Variants in DNAJC13 observed in about 807,000 individuals in gnomAD.
The protein encoded by DNAJC13 is dnaJ homolog subfamily C member 13.
A neutral mutation model predicts 290.5 loss-of-function variants in DNAJC13; 75 were observed. The ratio of observed to expected loss-of-function variants is 0.26; its 90% CI spans 0.21 to 0.31. The LOEUF (loss-of-function observed/expected upper bound fraction) is 0.31, where lower values mean the gene tolerates loss of function less well. Ranked by LOEUF, DNAJC13 falls within the 10% of genes least tolerant of loss-of-function variation. DNAJC13 has a pLI of 1.00. For synonymous variants in DNAJC13, 862 were observed against 892.0 expected, an observed-to-expected ratio of 0.97 and a Z score of 0.60; for missense variants, 2,260 against 2,674.5, an observed-to-expected ratio of 0.85 and a Z score of 3.42.
rs1428100673 is a variant in DNAJC13, at chr3:132,516,757, C to T, written c.5614C>T (p.Arg1872Ter). 2 of 1,613,540 alleles carry T rather than the reference C, an allele frequency of 1.2e-6. No homozygotes were observed. The highest frequency in any genetic ancestry group is 1.7e-6 in the Non-Finnish European group (2 of 1,179,654). The stretch of plus-strand genomic sequence containing the variant: ...CTGCAATTCAACACATCCACAGGTT[C>T]GAGCCCAAACAGCAGAACTTTTTGC... ...MFCNSTHPQVRAQTAELFAKM... is the reference protein window; with the variant it reads ...MFCNSTHPQV Residue 1872 changes from arginine to a stop codon, truncating the protein, a stop_gained, in exon 48 of 56, where the codon CGA (arginine) becomes TGA (stop). Coordinates refer to ENST00000260818, the MANE Select transcript of DNAJC13 (RefSeq NM_015268.4). LOFTEE classifies it high-confidence loss of function.
chr3:132,492,889 T>A (rs1576497460), intron 33 of DNAJC13, among the ~76,000 whole-genome samples: 1 of 151,820 alleles, frequency 6.6e-6, no homozygotes, highest in Non-Finnish European at 1.5e-5. Context: ...TAATTATATA[T>A]ATATAGTATT....
intron 29 of DNAJC13, among the ~76,000 whole-genome samples, 168 bp downstream of exon 29, chr3:132,484,840 G>A (rs922779177): frequency 3.9e-5 from 6 of 152,106 alleles, no homozygotes; most frequent in South Asian, 2.1e-4. Flanking sequence ...AGGCTGAGGC[G>A]GGAGGGTTGC....
intron 13 of DNAJC13, 114 bp downstream of exon 13, chr3:132,457,482 T>C: frequency 1.2e-6 from 1 of 834,282 alleles, no homozygotes; most frequent in East Asian, 2.7e-5. Flanking sequence ...GTTTCATAAA[T>C]TGTTCTCATA....
intron 27 of DNAJC13, among the ~76,000 whole-genome samples, chr3:132,482,687 A>G (rs1430050588): frequency 2.6e-5 from 4 of 151,870 alleles, no homozygotes; most frequent in Non-Finnish European, 5.9e-5. Flanking sequence ...GCAAGAGACT[A>G]TCTTTGTTAA....
chr3:132,507,173 A>C, intron 42 of DNAJC13, 64 bp from the exon 43 acceptor site: 1 of 1,042,110 alleles, frequency 9.6e-7, no homozygotes. Context: ...TTTATCTGTT[A>C]AGTTATTAAA....
At position 132,500,827 on chromosome 3, in the gene DNAJC13, G is replaced by A; in HGVS notation, c.4450G>A (p.Ala1484Thr). 1 of 1,614,020 alleles carries A rather than the reference G, an allele frequency of 6.2e-7. No individual in the cohort carries two copies. Among genetic ancestry groups the A allele is most frequent in the Non-Finnish European group, 8.5e-7 (1 of 1,179,940 alleles). Residue 1484 changes from alanine (A) to threonine (T), a missense_variant, in exon 39 of 56, where the codon GCT becomes ACT. This residue lies in a region of DNAJC13 where 1,494 missense variants were observed against 1,693.7 expected (regional missense o/e 0.88). Coordinates refer to ENST00000260818, the MANE Select transcript of DNAJC13 (RefSeq NM_015268.4). ...CGYISKCYSV[A>T]AQFEECREKI... ...ATACATAAGTAAATGCTACAGTGTGGCTGCTCAGTTTGAGGAATGCCGAGA... is the reference window on the plus strand; with the variant it reads ...ATACATAAGTAAATGCTACAGTGTGACTGCTCAGTTTGAGGAATGCCGAGA...
chr3:132,467,299 A>G lies in DNAJC13; in HGVS notation c.2194A>G (p.Ile732Val). Reference sequence around the variant, plus strand: ...GATGCACTGGAGGGATAGGATGGGCATTGCTCAAAAAGAGGTAAAAATAAA... The same window carrying G: ...GATGCACTGGAGGGATAGGATGGGCGTTGCTCAAAAAGAGGTAAAAATAAA... ...VLMHWRDRMG[I>V]AQKENINQKP... Residue 732 changes from isoleucine (I) to valine (V), a missense_variant, in exon 20 of 56, where the codon ATT becomes GTT. By Grantham distance (29) the Ile-to-Val change is conservative. Around this residue, in one of 3 missense-constraint regions of DNAJC13, gnomAD observed 762 missense variants for 964.1 expected, o/e 0.79. Coordinates refer to ENST00000260818, the MANE Select transcript of DNAJC13 (RefSeq NM_015268.4). 26 of 1,613,254 alleles carry G rather than the reference A, an allele frequency of 1.6e-5. No individual in the cohort carries two copies. Among genetic ancestry groups the G allele is most frequent in the Non-Finnish European group, 2.2e-5 (26 of 1,179,602 alleles).
chr3:132,458,317 TA>T (rs1559877491), intron 13 of DNAJC13: 1 of 152,234 alleles, frequency 6.6e-6, no homozygotes, highest in Non-Finnish European at 1.5e-5. Flanking sequence ...TACATAAACA[TA>T]AGTAAATACT....
chr3:132,492,514 A>G lies in DNAJC13; in HGVS notation c.3724A>G (p.Ile1242Val). 1.2e-6 allele frequency: 2 copies of G among 1,613,884 alleles called. No homozygotes were observed. Among genetic ancestry groups the G allele is most frequent in the South Asian group, 1.1e-5 (1 of 91,072 alleles). Residue 1242 changes from isoleucine to valine, a missense_variant, in exon 33 of 56, where the codon ATC becomes GTC. Around this residue, in one of 3 missense-constraint regions of DNAJC13, gnomAD observed 1,494 missense variants for 1,693.7 expected, o/e 0.88. Transcript: ENST00000260818. Reference protein sequence around the residue: ...ALYQYCPIPIINYPQLENELF... With the variant: ...ALYQYCPIPIVNYPQLENELF... ...TTATCAGTATTGCCCCATTCCTATA[A>G]TCAACTATCCACAACTCGAAAATGA...
chr3:132,462,091 T>C (rs1322882849), intron 15 of DNAJC13, among the ~76,000 whole-genome samples: 2 of 152,220 alleles, frequency 1.3e-5, no homozygotes, highest in Non-Finnish European at 2.9e-5. Flanking sequence ...AGCAGGGCTC[T>C]TCATAAACAC....
At chr3:132,465,445 C>T (rs1387765506) in intron 17 of DNAJC13, among the ~76,000 whole-genome samples, 1 of 152,088 alleles carries the variant, frequency 6.6e-6, no homozygotes, top group Admixed American at 6.5e-5. Context: ...TAGATTTTTA[C>T]TTTGAATTAA....
intron 13 of DNAJC13, among the ~76,000 whole-genome samples, chr3:132,459,768 T>G (rs540218237): frequency 1.3e-5 from 2 of 152,312 alleles, no homozygotes; most frequent in South Asian, 4.1e-4. Flanking sequence ...TAGAGACTTA[T>G]GTAAAGTAAC....
intron 35 of DNAJC13, among the ~76,000 whole-genome samples, chr3:132,495,515 A>T (rs183004569): frequency 1.3e-5 from 2 of 152,294 alleles, no homozygotes; most frequent in African/African-American, 4.8e-5. Context: ...TGCTATTCAG[A>T]TTGCTTTGGG....
Position 132,480,390 on chromosome 3 carries a change from G to C in DNAJC13, c.2794G>C (p.Asp932His). 1 of 1,612,968 alleles carries C rather than the reference G, an allele frequency of 6.2e-7. No homozygotes were observed. Among genetic ancestry groups the C allele is most frequent in the African/African-American group, 1.3e-5 (1 of 74,974 alleles). ...CCAGAAAAATGTTAAGGATCTCATGGATTCAAATGGAATAAGAATCCTTGT... is the reference window on the plus strand; with the variant it reads ...CCAGAAAAATGTTAAGGATCTCATGCATTCAAATGGAATAAGAATCCTTGT... ...LNKKNVKDLMDSNGIRILVDL... is the reference protein window; with the variant it reads ...LNKKNVKDLMHSNGIRILVDL... Residue 932 changes from aspartate to histidine, a missense_variant, in exon 26 of 56, where the codon GAT (aspartate) becomes CAT (histidine). Asp to His is a moderately conservative substitution (Grantham distance 81). Coordinates refer to ENST00000260818, the MANE Select transcript of DNAJC13 (RefSeq NM_015268.4).
At chr3:132,511,282 A>G (rs1935772788) in intron 44 of DNAJC13, 38 bp downstream of exon 44, 6 of 1,578,266 alleles carry the variant, frequency 3.8e-6, no homozygotes, top group Non-Finnish European at 8.6e-7. Flanking sequence ...GACTCGTATA[A>G]TACAGGAGCC....
chr3:132,450,993 C>G (rs929259750), intron 6 of DNAJC13, 146 bp downstream of exon 6: 14 of 516,630 alleles, frequency 2.7e-5, no homozygotes, highest in Non-Finnish European at 4.8e-5. Context: ...TCAAAGATAC[C>G]TGAGCTTGAA....
At chr3:132,467,381 G>A (rs765405122) in intron 20 of DNAJC13, 68 bp downstream of exon 20, 1 of 1,525,090 alleles carries the variant, frequency 6.6e-7, no homozygotes, top group Non-Finnish European at 9.0e-7. Context: ...AGTTCCTGCT[G>A]TTCACAGAGA....
rs188792588 is a variant in DNAJC13 at position 132,467,760 on chromosome 3, C to T, written c.2208+447C>T. On this transcript the variant is annotated intron_variant, in intron 20 of 55. Coordinates refer to ENST00000260818, the MANE Select transcript of DNAJC13 (RefSeq NM_015268.4). ...GATTACAGGCGTGAGCCACCGCACC[C>T]GGCCGAATGGTACCTAATTTCTAAT... Among the ~76,000 whole-genome samples the T allele has an allele frequency of 4.5e-3, 682 of 152,186 alleles. 6 individuals carry two copies. Among genetic ancestry groups the T allele is most frequent in the African/African-American group, 0.015 (604 of 41,520 alleles).
intron 24 of DNAJC13, 121 bp from the exon 25 acceptor site, chr3:132,479,106 C>T: frequency 3.5e-6 from 2 of 566,840 alleles, no homozygotes; most frequent in South Asian, 2.5e-5. Context: ...TGATTTTTCT[C>T]CTTAATGTTT....
Sources: gnomAD v4.1 joint callset for allele counts (sites outside exome capture counted in the v4.1 genomes callset) on GRCh38, gnomAD v4.1.1 for gene constraint, gnomAD v4.1.1 regional missense constraint, MANE v1.5 for transcripts, NCBI Gene and HGNC (gene_info 2026-07-23, HGNC 2026-07-21) for gene names.